The following WDR11 variants were observed in gnomAD, a reference collection of about 807,000 sequenced individuals.
WDR11 encodes the protein WD repeat-containing protein 11.
Under a neutral mutation model 151.2 loss-of-function variants are expected in WDR11, and 83 were observed. The observed-to-expected ratio is 0.55, with a 90% CI of 0.46 to 0.66. WDR11 has a LOEUF of 0.66. Ranked by LOEUF, WDR11 falls within the 30% of genes least tolerant of loss-of-function variation. WDR11 has a pLI of 0.00. For synonymous variants in WDR11, 484 were observed against 533.1 expected (o/e 0.91, Z 1.27); for missense variants, 1,301 against 1,480.9 (o/e 0.88, Z 1.99).
At chr10:120,861,174 T>C (rs1025913807) in intron 4 of WDR11, among the ~76,000 whole-genome samples, 1 of 152,162 alleles carries the variant, frequency 6.6e-6, no homozygotes, top group African/African-American at 2.4e-5. Flanking sequence ...TAAGGAATGT[T>C]TTTCCTGGAT....
At chr10:120,866,480 A>G in intron 7 of WDR11, 89 bp from the exon 8 acceptor site, 4 of 1,504,902 alleles carry the variant, frequency 2.7e-6, no homozygotes, top group Non-Finnish European at 2.8e-6. Context: ...GTGATGCCCA[A>G]ATTTAGTTGA....
rs758182867 is a variant in WDR11 at position 120,851,426 on chromosome 10, G to T, written c.6G>T (p.Leu2Phe). The change falls in exon 1 of 29, where the codon TTG becomes TTT. Residue 2 changes from leucine (L) to phenylalanine (F), a missense_variant. Around this residue, in one of 3 missense-constraint regions of WDR11, gnomAD observed 692 missense variants for 762.5 expected, o/e 0.91. Transcript: ENST00000263461. The stretch of plus-strand genomic sequence containing the variant: ...GTCCTGGGCTGGCCGCCGGGATGTT[G>T]CCCTACACAGTGAACTTCAAGGTGT... M[L>F]PYTVNFKVSA... 3.6e-5 allele frequency: 58 copies of T among 1,610,900 alleles called. No homozygotes were observed. In the Middle Eastern group the frequency reaches 1.3e-3, roughly 37 times the overall value.
intron 13 of WDR11, among the ~76,000 whole-genome samples, chr10:120,881,183 G>A (rs1846993926): frequency 6.6e-6 from 1 of 152,124 alleles, no homozygotes; most frequent in Non-Finnish European, 1.5e-5. Flanking sequence ...GAGTTACTGA[G>A]TGAAAGAACT....
At chr10:120,890,130 C>T (rs1847377242) in intron 18 of WDR11, 121 bp downstream of exon 18, 1 of 694,110 alleles carries the variant, frequency 1.4e-6, no homozygotes, top group South Asian at 1.6e-5. Flanking sequence ...TCAAGTTTCC[C>T]ATAACAAATT....
intron 14 of WDR11, 119 bp downstream of exon 14, chr10:120,884,007 G>C (rs531549236): frequency 9.9e-5 from 80 of 810,998 alleles, no homozygotes; most frequent in Non-Finnish European, 1.5e-4. Context: ...TTAAAAATGT[G>C]TGTTCAGAGA....
intron 2 of WDR11, 69 bp downstream of exon 2, chr10:120,852,704 C>G: frequency 7.6e-7 from 1 of 1,322,618 alleles, no homozygotes; most frequent in South Asian, 1.2e-5. Context: ...TATCACTAAG[C>G]TCTCATTAAG....
At chr10:120,872,199 A>T (rs1285416294) in intron 10 of WDR11, among the ~76,000 whole-genome samples, 1 of 151,924 alleles carries the variant, frequency 6.6e-6, no homozygotes, top group Non-Finnish European at 1.5e-5. Context: ...GTTTGGTAGT[A>T]CCCTTCTGTT....
At chr10:120,873,207 C>T (rs938434149) in intron 10 of WDR11, among the ~76,000 whole-genome samples, 3 of 152,144 alleles carry the variant, frequency 2.0e-5, no homozygotes, top group Admixed American at 6.5e-5. Context: ...CTTTATGTTT[C>T]CCCATTTAAT....
At chr10:120,894,925 A>C (rs552858965) in intron 19 of WDR11, among the ~76,000 whole-genome samples, 41 of 89,082 alleles carry the variant, frequency 4.6e-4, no homozygotes, top group Admixed American at 1.9e-3. Context: ...CATTTGAGGG[A>C]GGGAAGTAGT....
intron 3 of WDR11, 77 bp from the exon 4 acceptor site, chr10:120,860,032 A>G: frequency 1.9e-6 from 3 of 1,549,898 alleles, no homozygotes; most frequent in Non-Finnish European, 2.7e-6. Context: ...TAAAAACTAA[A>G]TATCAAGGAC....
chr10:120,882,544 G>GTTTTTTTT lies in WDR11; in HGVS notation c.1740-1232_1740-1225dup, dbSNP rs367918882. ...AGTTTTTAAATACAAATTCAGTTTT[G>GTTTTTTTT]TTTTTTTTTTTCATAAATATAGGAC... On this transcript the variant is annotated intron_variant, in intron 13 of 28. Transcript: ENST00000263461. Among the ~76,000 whole-genome samples the GTTTTTTTT allele has an allele frequency of 6.3e-3, 902 of 142,346 alleles. 8 individuals are homozygous for GTTTTTTTT. The highest frequency in any genetic ancestry group is 0.022 in the African/African-American group (845 of 38,618). The allele number at this position is 142,346 out of a possible 152,430, so 93.4% of individuals were successfully genotyped here. A position where few individuals can be genotyped will look rare whatever the true frequency, so the allele number is the denominator to read the frequency against.
chr10:120,851,974 C>G, intron 1 of WDR11: 1 of 231,622 alleles, frequency 4.3e-6, no homozygotes, highest in South Asian at 6.0e-5. Flanking sequence ...CGGGCTCCTC[C>G]TGTGTAGAAC....
intron 3 of WDR11, 59 bp from the exon 4 acceptor site, chr10:120,860,050 C>G: frequency 2.7e-5 from 43 of 1,599,594 alleles, no homozygotes; most frequent in Non-Finnish European, 3.6e-5. Flanking sequence ...GACAAGTTAG[C>G]CAAGGACTTT....
At chr10:120,901,209 G>C in intron 21 of WDR11, 111 bp downstream of exon 21, 1 of 956,366 alleles carries the variant, frequency 1.0e-6, no homozygotes, top group Non-Finnish European at 1.7e-6. Context: ...AATATTAGTG[G>C]CCCAAGAAGA....
At position 120,883,951 on chromosome 10, in the gene WDR11, G is replaced by A. The variant is rs907923440; in HGVS notation, c.1848+63G>A. 2.1e-6 allele frequency: 3 copies of A among 1,395,372 alleles called. No homozygotes were observed. The African/African-American group carries it at 4.3e-5, about 20-fold the overall frequency. 86.4% of individuals were successfully genotyped at this position (1,395,372 alleles called of 1,614,324 possible). The stretch of plus-strand genomic sequence containing the variant: ...TATATATGTATGTGGTGAATGTTTT[G>A]CTTAAGCTTGAATCAAAATCATTAC... On this transcript the variant is annotated intron_variant, in intron 14 of 28. Coordinates refer to ENST00000263461, the MANE Select transcript of WDR11 (RefSeq NM_018117.12).
intron 16 of WDR11, among the ~76,000 whole-genome samples, chr10:120,888,659 G>A (rs964620829): frequency 4.6e-5 from 7 of 152,138 alleles, no homozygotes; most frequent in Admixed American, 3.3e-4. Flanking sequence ...GAAAAATCAC[G>A]GCACAATTAG....
Position 120,867,160 on chromosome 10 carries a change from A to T in WDR11, c.1285A>T (p.Asn429Tyr). ...TAAACTCCCAGACCTTTCCTTAGAT[A>T]ACATGATTGGTAAGCTTTTTTCCCC... Reference protein sequence around the residue: ...QNKLPDLSLDNMIGQSAIAGE... With the variant: ...QNKLPDLSLDYMIGQSAIAGE... The change falls in exon 9 of 29, where the codon AAC becomes TAC. Residue 429 changes from asparagine (N) to tyrosine (Y), a missense_variant. By Grantham distance (143) the Asn-to-Tyr change is moderately radical. Coordinates refer to ENST00000263461, the MANE Select transcript of WDR11 (RefSeq NM_018117.12). The T allele has an allele frequency of 6.2e-7, 1 of 1,612,852 alleles. No homozygotes were observed. The highest frequency in any genetic ancestry group is 8.5e-7 in the Non-Finnish European group (1 of 1,178,982).
chr10:120,865,288 A>T, intron 6 of WDR11, 76 bp downstream of exon 6: 1 of 1,419,436 alleles, frequency 7.0e-7, no homozygotes. Context: ...AATCTTGCAT[A>T]AGTCTTGTCT....
At chr10:120,906,337 G>C (rs1848044516) in intron 27 of WDR11, 2 of 1,269,228 alleles carry the variant, frequency 1.6e-6, no homozygotes, top group Middle Eastern at 3.3e-4. Flanking sequence ...GAGGCCCAGA[G>C]AGCAGGGGGA....
Sources: gnomAD v4.1 joint callset for allele counts (sites outside exome capture counted in the v4.1 genomes callset) on GRCh38, gnomAD v4.1.1 for gene constraint, gnomAD v4.1.1 regional missense constraint, MANE v1.5 for transcripts, NCBI Gene and HGNC (gene_info 2026-07-23, HGNC 2026-07-21) for gene names.